SFXN5: variants seen among roughly 807,000 people sequenced by gnomAD.
SFXN5 encodes the protein sideroflexin 5.
A neutral mutation model predicts 50.2 loss-of-function variants in SFXN5; 43 were observed. The ratio of observed to expected loss-of-function variants is 0.86; its 90% CI spans 0.67 to 1.11. The LOEUF (loss-of-function observed/expected upper bound fraction) is 1.11. SFXN5 is among the 50% of genes least tolerant of loss of function. SFXN5 has a pLI of 0.00. For missense variants in SFXN5, 463 were observed against 454.1 expected (o/e 1.02, Z -0.18); for synonymous variants, 203 against 185.8 (o/e 1.09, Z -0.75).
intron 1 of SFXN5, chr2:73,058,985 G>C (rs991645394): frequency 1.1e-6 from 1 of 896,268 alleles, no homozygotes; most frequent in South Asian, 4.7e-5. Context: ...TCAGGACCTT[G>C]AGTGACAAAG....
chr2:73,045,570 G>C (rs1356782031), intron 2 of SFXN5, among the ~76,000 whole-genome samples: 1 of 152,080 alleles, frequency 6.6e-6, no homozygotes, highest in Non-Finnish European at 1.5e-5. Context: ...ACTGGCAGTG[G>C]GGCGTGCAGG....
chr2:73,002,694 CTATATTTATTGGCTCA>C (rs1674063632), intron 6 of SFXN5, among the ~76,000 whole-genome samples: 1 of 151,796 alleles, frequency 6.6e-6, no homozygotes, highest in South Asian at 2.1e-4. Context: ...CACACACAAT[CTATATTTATTGGCTCA>C]TATCAGTTTG....
chr2:73,065,598 T>C lies in SFXN5; in HGVS notation c.102+6006A>G, dbSNP rs190007707. Among the ~76,000 whole-genome samples the C allele has an allele frequency of 1.0e-3, 156 of 152,338 alleles. No individual in the cohort carries two copies. The Middle Eastern group carries it at 0.014, about 13-fold the overall frequency. ...ATTTTGTAGAGACAGGGTTTTGCCATGTTGGCCAGGCTGGTCTTGAACTCC... is the reference window on the plus strand; with the variant it reads ...ATTTTGTAGAGACAGGGTTTTGCCACGTTGGCCAGGCTGGTCTTGAACTCC... On this transcript the variant is annotated intron_variant, in intron 1 of 13. Coordinates refer to ENST00000272433, the MANE Select transcript of SFXN5 (RefSeq NM_144579.3).
At chr2:72,998,324 GC>G in intron 9 of SFXN5, 1 of 152,444 alleles carries the variant, frequency 6.6e-6, no homozygotes, top group Non-Finnish European at 1.5e-5. Flanking sequence ...TGTGTCACTT[GC>G]CCCTGGCCTC....
At chr2:73,023,276 A>G in intron 3 of SFXN5, 62 bp from the exon 4 acceptor site, 1 of 1,502,528 alleles carries the variant, frequency 6.7e-7, no homozygotes, top group South Asian at 1.2e-5. Context: ...TATCGGTTTA[A>G]GGCTTCCAAC....
chr2:72,997,369 A>C (rs1354894975), intron 9 of SFXN5: 1 of 152,188 alleles, frequency 6.6e-6, no homozygotes, highest in Non-Finnish European at 1.5e-5. Flanking sequence ...TGGAAAGATG[A>C]GCAAAGGGGG....
At chr2:73,071,495 T>A in intron 1 of SFXN5, 109 bp downstream of exon 1, 1 of 1,011,584 alleles carries the variant, frequency 9.9e-7, no homozygotes, top group East Asian at 2.7e-5. Flanking sequence ...AGCTGCAGGC[T>A]CCGCTGGCCG....
chr2:72,996,502 G>GTTTTTTTTT (rs1183156160), intron 9 of SFXN5: 1 of 113,552 alleles, frequency 8.8e-6, no homozygotes. Flanking sequence ...AAAAAGCTGA[G>GTTTTTTTTT]TTTTGTTTTT....
chr2:73,039,974 C>T (rs1679415224), intron 3 of SFXN5, among the ~76,000 whole-genome samples: 1 of 151,942 alleles, frequency 6.6e-6, no homozygotes, highest in South Asian at 2.1e-4. Flanking sequence ...CCATGCCCGG[C>T]TGATTTTTTG....
rs866397176 is a variant in SFXN5, at chr2:73,000,444, C to T, written c.455G>A (p.Arg152His). ...AGTGATGCTCACCTTGGTCGCATTG[C>T]GGTTTGCATAGTTGACACAGGCATT... Reference protein sequence around the residue: ...SHNACVNYANRNATKPSPASK... With the variant: ...SHNACVNYANHNATKPSPASK... The change falls in exon 8 of 14, where the codon CGC (arginine) becomes CAC (histidine). Residue 152 changes from arginine to histidine, a missense_variant. Physicochemically the swap from Arg to His is conservative, Grantham distance 29. Coordinates refer to ENST00000272433, the MANE Select transcript of SFXN5 (RefSeq NM_144579.3). 7.7e-6 allele frequency: 12 copies of T among 1,558,918 alleles called. No individual in the cohort carries two copies. The highest frequency in any genetic ancestry group is 1.9e-5 in the Admixed American group (1 of 51,858).
In SFXN5 at chr2:72,961,107, G is replaced by A. The variant is rs376455395; in HGVS notation, c.945+24C>T. 169 of 1,483,488 alleles carry A rather than the reference G, an allele frequency of 1.1e-4. No individual in the cohort carries two copies. The African/African-American group carries it at 2.4e-3, about 21-fold the overall frequency. The allele number at this position is 1,483,488 out of a possible 1,614,324, so 91.9% of individuals were successfully genotyped here. Reference sequence around the variant, plus strand: ...CAAACAGCACCCCCTGCCCTGCCCTGCCCTTGAGCCCCTCCCCACTGACCT... The same window carrying A: ...CAAACAGCACCCCCTGCCCTGCCCTACCCTTGAGCCCCTCCCCACTGACCT... On this transcript the variant is annotated intron_variant, in intron 13 of 13. Coordinates refer to ENST00000272433, the MANE Select transcript of SFXN5 (RefSeq NM_144579.3). The surrounding 1 kb of genome is among the most constrained non-coding windows in gnomAD (Gnocchi z 4.4).
At chr2:73,015,588 G>A (rs1179067902) in intron 6 of SFXN5, among the ~76,000 whole-genome samples, 1 of 151,776 alleles carries the variant, frequency 6.6e-6, no homozygotes, top group South Asian at 2.1e-4. Flanking sequence ...TCAAAGTGCT[G>A]GGATAAGAGG....
intron 3 of SFXN5, among the ~76,000 whole-genome samples, chr2:73,038,597 C>T (rs1679249126): frequency 6.6e-6 from 1 of 152,152 alleles, no homozygotes; most frequent in Non-Finnish European, 1.5e-5. Context: ...CACTGCACTC[C>T]AGGCCTGGGT....
intron 10 of SFXN5, among the ~76,000 whole-genome samples, chr2:72,982,894 G>A (rs1284546864): frequency 2.0e-5 from 3 of 152,244 alleles, no homozygotes; most frequent in Non-Finnish European, 4.4e-5. Context: ...GGCAAGAGCA[G>A]GCCAGGTCAA....
intron 7 of SFXN5, 89 bp downstream of exon 7, chr2:73,001,436 C>G (rs549599512): frequency 2.9e-6 from 4 of 1,383,442 alleles, no homozygotes; most frequent in African/African-American, 2.8e-5. Context: ...GGGGTCTGGA[C>G]GGGGCAGGAG....
chr2:73,059,795 C>T (rs1682602756), intron 1 of SFXN5: 1 of 976,652 alleles, frequency 1.0e-6, no homozygotes, highest in Non-Finnish European at 1.2e-6. Flanking sequence ...ATAAGGGAGG[C>T]TCACAATGCT....
chr2:72,945,165 T>C lies in SFXN5; in HGVS notation c.946-66A>G, dbSNP rs539000854. The C allele has an allele frequency of 6.8e-7, 1 of 1,478,116 alleles. No individual in the cohort carries two copies. The highest frequency in any genetic ancestry group is 1.4e-5 in the African/African-American group (1 of 71,664). The allele number at this position is 1,478,116 out of a possible 1,614,324, so 91.6% of individuals were successfully genotyped here. ...AGGGGCAAATAGTGGGGCTGGGAGC[T>C]GCAGTGAGGACCACCCTGGGCCCCA... On this transcript the variant is annotated intron_variant, in intron 13 of 13. Coordinates refer to ENST00000272433, the MANE Select transcript of SFXN5 (RefSeq NM_144579.3). This position sits in a 1 kb window ranked among gnomAD's most constrained non-coding sequence, Gnocchi z 5.8.
chr2:72,961,177 C>A lies in SFXN5; in HGVS notation c.899G>T (p.Gly300Val), dbSNP rs747930006. ...GCTGATGGCCAGCGGCAGGGCCAGG[C>A]CGAAGGCTGCCAGGCACACGAGGCT... ...VQSLVCLAAF[G>V]LALPLAISLF... is the part of the protein sequence containing the mutation. The change falls in exon 13 of 14, where the codon GGC (glycine) becomes GTC (valine). Residue 300 changes from glycine (G) to valine (V), a missense_variant. Gly to Val is a moderately radical substitution (Grantham distance 109). Coordinates refer to ENST00000272433, the MANE Select transcript of SFXN5 (RefSeq NM_144579.3). This position sits in a 1 kb window ranked among gnomAD's most constrained non-coding sequence, Gnocchi z 4.4. 8 of 1,575,530 alleles carry A rather than the reference C, an allele frequency of 5.1e-6. No individual in the cohort carries two copies. The highest frequency in any genetic ancestry group is 6.9e-6 in the Non-Finnish European group (8 of 1,163,716).
intron 13 of SFXN5, among the ~76,000 whole-genome samples, chr2:72,951,420 G>A (rs1672522991): frequency 2.0e-5 from 3 of 152,188 alleles, no homozygotes; most frequent in African/African-American, 7.2e-5. Flanking sequence ...TGTGGTGTGG[G>A]AAGGGTTAAC....
Sources: gnomAD v4.1 joint callset for allele counts (sites outside exome capture counted in the v4.1 genomes callset) on GRCh38, gnomAD v4.1.1 for gene constraint, Gnocchi (gnomAD v3.1) non-coding constraint, MANE v1.5 for transcripts, NCBI Gene and HGNC (gene_info 2026-07-23, HGNC 2026-07-21) for gene names.